Variants in ST3GAL5 observed in about 807,000 individuals in gnomAD.
ST3GAL5 encodes the protein lactosylceramide alpha-2,3-sialyltransferase.
A neutral mutation model predicts 46.1 loss-of-function variants in ST3GAL5; 25 were observed. That is an observed-to-expected ratio of 0.54 (90% CI 0.40 to 0.76). The LOEUF (loss-of-function observed/expected upper bound fraction) is 0.76. Ranked by LOEUF, ST3GAL5 falls within the 30% of genes least tolerant of loss-of-function variation. ST3GAL5 has a pLI of 0.00. For synonymous variants in ST3GAL5, 182 were observed against 192.7 expected, an observed-to-expected ratio of 0.94 and a Z score of 0.46; for missense variants, 431 against 521.2, an observed-to-expected ratio of 0.83 and a Z score of 1.69.
At chr2:85,886,290 C>A (rs544560574) in intron 1 of ST3GAL5, among the ~76,000 whole-genome samples, 1 of 152,254 alleles carries the variant, frequency 6.6e-6, no homozygotes, top group South Asian at 2.1e-4. Flanking sequence ...AACAAATTAG[C>A]TGGGTCTGGT....
Position 85,840,487 on chromosome 2 carries a change from G to A in ST3GAL5, c.1009-95C>T, listed in dbSNP as rs183853297. 2.6e-5 allele frequency: 35 copies of A among 1,358,616 alleles called. No individual in the cohort carries two copies. In the African/African-American group the frequency reaches 2.7e-4, roughly 11 times the overall value. The allele number at this position is 1,358,616 out of a possible 1,614,324, so 84.2% of individuals were successfully genotyped here. ...ACACATGCTACGCAGAGTCATGAAA[G>A]CTACATTGGGGGCTGCAATTTCATA... is the stretch of plus-strand genomic sequence containing the variant. On this transcript the variant is annotated intron_variant, in intron 6 of 6. Coordinates refer to ENST00000638572, the MANE Select transcript of ST3GAL5 (RefSeq NM_003896.4).
chr2:85,867,476 C>T, intron 1 of ST3GAL5: 4 of 716,042 alleles, frequency 5.6e-6, no homozygotes, highest in Admixed American at 2.0e-5. Context: ...CATGTAGTTA[C>T]CTCCTGGGAT....
chr2:85,839,691 T>C lies in ST3GAL5; in HGVS notation c.*453A>G, dbSNP rs1681779030. On this transcript the variant is annotated 3_prime_UTR_variant, in exon 7 of 7. Transcript: ENST00000638572. Reference sequence around the variant, plus strand: ...ATCAGCAGCAGAGCTACGGAGCACGTCATCCTGGGAGTGGATCCTCCGTGG... The same window carrying C: ...ATCAGCAGCAGAGCTACGGAGCACGCCATCCTGGGAGTGGATCCTCCGTGG... 3.7e-6 allele frequency: 1 copy of C among 272,402 alleles called. No homozygotes were observed. Among genetic ancestry groups the C allele is most frequent in the Non-Finnish European group, 7.2e-6 (1 of 139,366 alleles). 16.9% of individuals were successfully genotyped at this position (272,402 alleles called of 1,614,324 possible).
intron 1 of ST3GAL5, among the ~76,000 whole-genome samples, chr2:85,877,121 A>G (rs1297697632): frequency 6.6e-6 from 1 of 152,180 alleles, no homozygotes; most frequent in African/African-American, 2.4e-5. Context: ...CTACCCCTAA[A>G]TATTTTAGTA....
intron 4 of ST3GAL5, 105 bp from the exon 5 acceptor site, chr2:85,846,668 A>G: frequency 9.0e-7 from 1 of 1,112,738 alleles, no homozygotes; most frequent in East Asian, 2.4e-5. Context: ...TCTTATGACT[A>G]AGAATGAGTG....
At chr2:85,882,416 C>T (rs1407256737) in intron 1 of ST3GAL5, among the ~76,000 whole-genome samples, 1 of 152,168 alleles carries the variant, frequency 6.6e-6, no homozygotes, top group Non-Finnish European at 1.5e-5. Flanking sequence ...ATGAAAGTGG[C>T]TAGGAGGGAG....
intron 1 of ST3GAL5, chr2:85,888,049 T>G (rs1289007538): frequency 1.3e-5 from 2 of 152,206 alleles, no homozygotes; most frequent in African/African-American, 4.8e-5. Flanking sequence ...CGTATTTTTT[T>G]ATGATTAGAA....
rs992125322 is a variant in ST3GAL5, at chr2:85,862,056, C to T, written c.207-764G>A. 1.1e-4 allele frequency among the ~76,000 whole-genome samples: 16 copies of T among 151,774 alleles called. 1 individual carries two copies. The highest frequency in any genetic ancestry group is 8.5e-4 in the Admixed American group (13 of 15,244). The stretch of plus-strand genomic sequence containing the variant: ...GGCAGTTTTTTTTTCAAAAAAATTG[C>T]ATCTAGCATAATATATTATACATAA... On this transcript the variant is annotated intron_variant, in intron 2 of 6. Coordinates refer to ENST00000638572, the MANE Select transcript of ST3GAL5 (RefSeq NM_003896.4).
chr2:85,875,108 G>T (rs1300695169), intron 1 of ST3GAL5, among the ~76,000 whole-genome samples: 1 of 152,134 alleles, frequency 6.6e-6, no homozygotes, highest in Non-Finnish European at 1.5e-5. Flanking sequence ...CAGCCAGGCT[G>T]GAGTGCAGTG....
At chr2:85,859,675 T>C (rs1684519479) in intron 3 of ST3GAL5, among the ~76,000 whole-genome samples, 1 of 152,222 alleles carries the variant, frequency 6.6e-6, no homozygotes, top group African/African-American at 2.4e-5. Context: ...TATTTGTTTA[T>C]ACCTGTCTGT....
intron 1 of ST3GAL5, among the ~76,000 whole-genome samples, chr2:85,876,117 T>A (rs1016404166): frequency 6.6e-6 from 1 of 152,206 alleles, no homozygotes; most frequent in Non-Finnish European, 1.5e-5. Flanking sequence ...AACTGGCAAA[T>A]GCTGAGGATT....
chr2:85,868,005 T>C, intron 1 of ST3GAL5: 2 of 271,716 alleles, frequency 7.4e-6, no homozygotes, highest in South Asian at 8.4e-5. Context: ...TCTTCTGATT[T>C]GCAAGGGACC....
intron 1 of ST3GAL5, among the ~76,000 whole-genome samples, chr2:85,879,388 A>C (rs904134936): frequency 6.6e-6 from 1 of 152,196 alleles, no homozygotes; most frequent in Non-Finnish European, 1.5e-5. Context: ...AAGGCTTCAA[A>C]TGTTACTGTT....
At chr2:85,840,583 A>G (rs1203627786) in intron 6 of ST3GAL5, 191 bp from the exon 7 acceptor site, 1 of 666,734 alleles carries the variant, frequency 1.5e-6, no homozygotes, top group Non-Finnish European at 2.6e-6. Context: ...CTAGGCTCTA[A>G]AACATGGTCT....
rs1490782512 is a variant in ST3GAL5 at position 85,861,168 on chromosome 2, T to C, written c.318+13A>G. On this transcript the variant is annotated intron_variant, in intron 3 of 6. Coordinates refer to ENST00000638572, the MANE Select transcript of ST3GAL5 (RefSeq NM_003896.4). Reference sequence around the variant, plus strand: ...AATGTTTTCATTTAAACCACACCAATGGGATATCTAACCTTTACATGGTCA... The same window carrying C: ...AATGTTTTCATTTAAACCACACCAACGGGATATCTAACCTTTACATGGTCA... 1 of 1,503,876 alleles carries C rather than the reference T, an allele frequency of 6.6e-7. No individual in the cohort carries two copies. The highest frequency in any genetic ancestry group is 9.3e-7 in the Non-Finnish European group (1 of 1,080,484). 93.2% of individuals were successfully genotyped at this position (1,503,876 alleles called of 1,614,324 possible).
rs1483274467 is a variant in ST3GAL5 at position 85,848,147 on chromosome 2, T to C, written c.376A>G (p.Lys126Glu). ...LQKECRPKFAKTSMALLFEHR... is the reference protein window; with the variant it reads ...LQKECRPKFAETSMALLFEHR... ...TCAAATAACAGCGCCATTGATGTCTTGGCAAACTTGGGACGACATTCCTTC... is the reference window on the plus strand; with the variant it reads ...TCAAATAACAGCGCCATTGATGTCTCGGCAAACTTGGGACGACATTCCTTC... Residue 126 changes from lysine (K) to glutamate (E), a missense_variant, in exon 4 of 7, where the codon AAG becomes GAG. By Grantham distance (56) the Lys-to-Glu change is moderately conservative. Coordinates refer to ENST00000638572, the MANE Select transcript of ST3GAL5 (RefSeq NM_003896.4). 1 of 1,614,200 alleles carries C rather than the reference T, an allele frequency of 6.2e-7. No homozygotes were observed. The highest frequency in any genetic ancestry group is 8.5e-7 in the Non-Finnish European group (1 of 1,180,032).
intron 1 of ST3GAL5, among the ~76,000 whole-genome samples, chr2:85,877,457 A>C (rs1322997447): frequency 6.6e-6 from 1 of 152,202 alleles, no homozygotes; most frequent in South Asian, 2.1e-4. Flanking sequence ...AGTTTGTCTA[A>C]TGTTTCTTCA....
At chr2:85,851,643 C>A (rs938946403) in intron 3 of ST3GAL5, 5 of 1,289,474 alleles carry the variant, frequency 3.9e-6, no homozygotes, top group Non-Finnish European at 4.0e-6. Context: ...CCCTCCACTG[C>A]TTGCCCATAG....
At chr2:85,851,508 T>C in intron 3 of ST3GAL5, 2 of 1,287,720 alleles carry the variant, frequency 1.6e-6, no homozygotes, top group Non-Finnish European at 2.0e-6. Context: ...TCCTCCACTC[T>C]GGGATGGTTT....
Sources: allele counts gnomAD v4.1 joint callset (sites outside exome capture counted in the v4.1 genomes callset), GRCh38; gene constraint gnomAD v4.1.1; transcripts MANE v1.5; gene names NCBI Gene and HGNC (gene_info 2026-07-23, HGNC 2026-07-21).